Variants in KIF6 observed in about 807,000 individuals in gnomAD.
KIF6 encodes the protein kinesin family member 6.
KIF6 carries 106 observed loss-of-function variants against 112.7 expected under a neutral mutation model. That is an observed-to-expected ratio of 0.94 (90% CI 0.80 to 1.11). The LOEUF (loss-of-function observed/expected upper bound fraction) is 1.11, where lower values mean the gene tolerates loss of function less well. Among genes scored for constraint, KIF6 ranks in the 50% least tolerant of loss-of-function variants. The pLI is 0.00. For synonymous variants in KIF6, 339 were observed against 339.9 expected (o/e 1.00, Z 0.03); for missense variants, 929 against 964.0 (o/e 0.96, Z 0.48).
chr6:39,575,494 T>A (rs1400972911), intron 10 of KIF6, among the ~76,000 whole-genome samples: 1 of 152,096 alleles, frequency 6.6e-6, no homozygotes, highest in Non-Finnish European at 1.5e-5. Flanking sequence ...ATGGTCTCGA[T>A]CTCCTGACTT....
At chr6:39,462,787 A>G (rs749026297) in intron 13 of KIF6, among the ~76,000 whole-genome samples, 117 of 152,170 alleles carry the variant, frequency 7.7e-4, no homozygotes, top group Non-Finnish European at 1.5e-3. Context: ...ATATGCACAT[A>G]TATATATTTG....
At chr6:39,564,114 C>G (rs999810724) in intron 10 of KIF6, among the ~76,000 whole-genome samples, 2 of 152,180 alleles carry the variant, frequency 1.3e-5, no homozygotes, top group African/African-American at 2.4e-5. Flanking sequence ...CCAACACATG[C>G]TAGTTGACTG....
intron 17 of KIF6, 69 bp from the exon 18 acceptor site, chr6:39,360,599 A>G: frequency 6.3e-7 from 1 of 1,577,716 alleles, no homozygotes; most frequent in South Asian, 1.1e-5. Flanking sequence ...CAGGGCTGTA[A>G]ATGAATGGGG....
intron 13 of KIF6, among the ~76,000 whole-genome samples, chr6:39,509,770 G>T (rs1776654193): frequency 6.6e-6 from 1 of 152,220 alleles, no homozygotes; most frequent in South Asian, 2.1e-4. Context: ...GTACCTGAAA[G>T]TGACGGGGAG....
intron 13 of KIF6, among the ~76,000 whole-genome samples, chr6:39,447,868 T>C (rs1444417396): frequency 6.6e-6 from 1 of 152,174 alleles, no homozygotes; most frequent in African/African-American, 2.4e-5. Flanking sequence ...CCAGTGATCC[T>C]GGATTGCCAA....
intron 8 of KIF6, among the ~76,000 whole-genome samples, chr6:39,585,390 T>C (rs886976396): frequency 2.6e-5 from 4 of 152,170 alleles, no homozygotes; most frequent in Admixed American, 2.0e-4. Flanking sequence ...TAATGCTGGC[T>C]CCACCACCAC....
chr6:39,343,051 G>A lies in KIF6; in HGVS notation c.2428+658C>T, dbSNP rs1763431194. ...GCAGGCCTGGGGTAAGGGGCCCTGG[G>A]GCTTGCCCTGTGGGTGTGTTGGGGA... On this transcript the variant is annotated intron_variant, in intron 22 of 22. Coordinates refer to ENST00000287152, the MANE Select transcript of KIF6 (RefSeq NM_145027.6). This position sits in a 1 kb window ranked among gnomAD's most constrained non-coding sequence, Gnocchi z 4.1. The A allele has an allele frequency of 4.1e-6, 4 of 985,292 alleles. No homozygotes were observed. The South Asian group carries it at 1.9e-4, about 46-fold the overall frequency. 61.0% of individuals were successfully genotyped at this position (985,292 alleles called of 1,614,324 possible).
At position 39,725,251 on chromosome 6, in the gene KIF6, T is replaced by G. The variant is rs868162875; in HGVS notation, c.60A>C (p.Gln20His). 1 of 1,609,482 alleles carries G rather than the reference T, an allele frequency of 6.2e-7. No homozygotes were observed. Among genetic ancestry groups the G allele is most frequent in the Middle Eastern group, 1.7e-4 (1 of 6,048 alleles). Residue 20 changes from glutamine (Q) to histidine (H), a missense_variant, in exon 1 of 23, where the codon CAA (glutamine) becomes CAC (histidine). Around this residue, in one of 2 missense-constraint regions of KIF6, gnomAD observed 688 missense variants for 662.7 expected, o/e 1.04. Coordinates refer to ENST00000287152, the MANE Select transcript of KIF6 (RefSeq NM_145027.6). ...CGGAGGCTCCAGCCCGTACCCCTTGTTGGTGCTTCCGGACAGGGGGCTTCA... is the reference window on the plus strand; with the variant it reads ...CGGAGGCTCCAGCCCGTACCCCTTGGTGGTGCTTCCGGACAGGGGGCTTCA... ...ARVKPPVRKHQQGIYSIDEDE... is the reference protein window; with the variant it reads ...ARVKPPVRKHHQGIYSIDEDE...
chr6:39,622,710 A>G (rs182755455), intron 5 of KIF6, among the ~76,000 whole-genome samples: 10 of 152,350 alleles, frequency 6.6e-5, no homozygotes, highest in Admixed American at 6.5e-4. Context: ...AATTCTGGTC[A>G]GTGACAAATA....
intron 22 of KIF6, among the ~76,000 whole-genome samples, chr6:39,336,908 C>T (rs544452953): frequency 7.3e-6 from 1 of 137,098 alleles, no homozygotes; most frequent in East Asian, 2.0e-4. Context: ...CCTTCCCTTT[C>T]TTCCCTTTCT....
rs143643267 is a variant in KIF6, at chr6:39,716,925, T to C, written c.177-2159A>G. 8.5e-3 allele frequency among the ~76,000 whole-genome samples: 1,291 copies of C among 152,308 alleles called. 13 individuals carry two copies. The highest frequency in any genetic ancestry group is 0.014 in the Middle Eastern group (4 of 292). On this transcript the variant is annotated intron_variant, in intron 2 of 22. Transcript: ENST00000287152. ...TGACTCCTCTGTTTCTACTATACTTTATGTCTAATCCATCAGCAAACTCTG... is the reference window on the plus strand; with the variant it reads ...TGACTCCTCTGTTTCTACTATACTTCATGTCTAATCCATCAGCAAACTCTG...
intron 13 of KIF6, among the ~76,000 whole-genome samples, chr6:39,537,155 C>A (rs1778482339): frequency 6.6e-6 from 1 of 152,094 alleles, no homozygotes; most frequent in Non-Finnish European, 1.5e-5. Flanking sequence ...AAAACTGGCA[C>A]AAGACAGGGA....
intron 1 of KIF6, 135 bp downstream of exon 1, chr6:39,725,110 T>C (rs1273207365): frequency 1.6e-6 from 1 of 624,924 alleles, no homozygotes; most frequent in East Asian, 3.3e-5. Flanking sequence ...CCTCGGTCAG[T>C]GTGTGCGGGA....
chr6:39,352,398 C>T (rs573858176), intron 19 of KIF6, among the ~76,000 whole-genome samples: 2 of 152,328 alleles, frequency 1.3e-5, no homozygotes, highest in East Asian at 1.9e-4. Context: ...AATAGTTTCA[C>T]TGCCCCCAAA....
In KIF6 at chr6:39,538,148, C is replaced by T. The variant is rs374281109; in HGVS notation, c.1645+1855G>A. Reference sequence around the variant, plus strand: ...AACCTAGGCATTACCATTCAGGACACAGGCATGGGCAAGGACTTCATGTCT... The same window carrying T: ...AACCTAGGCATTACCATTCAGGACATAGGCATGGGCAAGGACTTCATGTCT... On this transcript the variant is annotated intron_variant, in intron 13 of 22. Transcript: ENST00000287152. Among the ~76,000 whole-genome samples the T allele has an allele frequency of 1.6e-3, 249 of 151,620 alleles. 1 individual carries two copies. Among genetic ancestry groups the T allele is most frequent in the African/African-American group, 5.8e-3 (240 of 41,042 alleles).
intron 13 of KIF6, among the ~76,000 whole-genome samples, chr6:39,511,759 G>A (rs745787696): frequency 6.6e-6 from 1 of 152,222 alleles, no homozygotes; most frequent in Non-Finnish European, 1.5e-5. Context: ...ATACTATGCA[G>A]CCATAAAACA....
At chr6:39,681,574 C>T (rs1787516989) in intron 3 of KIF6, among the ~76,000 whole-genome samples, 1 of 152,102 alleles carries the variant, frequency 6.6e-6, no homozygotes, top group African/African-American at 2.4e-5. Flanking sequence ...ATACTCAAAT[C>T]CTTCAGCCAG....
rs572116763 is a variant in KIF6 at position 39,378,789 on chromosome 6, C to T, written c.1861+6833G>A. On this transcript the variant is annotated intron_variant, in intron 16 of 22. Coordinates refer to ENST00000287152, the MANE Select transcript of KIF6 (RefSeq NM_145027.6). This position sits in a 1 kb window ranked among gnomAD's most constrained non-coding sequence, Gnocchi z 5.0. ...AAGATCCAGCCCTGATCAAATATTG[C>T]TTAGAAGAGATATTTGAGAGAGAGG... Among the ~76,000 whole-genome samples, 12 of 152,324 alleles carry T rather than the reference C, an allele frequency of 7.9e-5. No homozygotes were observed. In the South Asian group the frequency reaches 1.9e-3, roughly 24 times the overall value.
intron 5 of KIF6, among the ~76,000 whole-genome samples, chr6:39,634,332 TA>T (rs1187529258): frequency 6.6e-6 from 1 of 152,176 alleles, no homozygotes; most frequent in Non-Finnish European, 1.5e-5. Context: ...AGACGCTATT[TA>T]AATTTCAGTC....
Sources: gnomAD v4.1 joint callset for allele counts (sites outside exome capture counted in the v4.1 genomes callset) on GRCh38, gnomAD v4.1.1 for gene constraint, gnomAD v4.1.1 regional missense constraint, Gnocchi (gnomAD v3.1) non-coding constraint, MANE v1.5 for transcripts, NCBI Gene and HGNC (gene_info 2026-07-23, HGNC 2026-07-21) for gene names.